Variants in TAAR6 observed in about 807,000 individuals in gnomAD.
TAAR6 encodes the protein trace amine-associated receptor 6.
In TAAR6, 15 loss-of-function variants were observed where a neutral mutation model predicts 18.4. The observed-to-expected ratio is 0.82, with a 90% CI of 0.55 to 1.26. The LOEUF (loss-of-function observed/expected upper bound fraction) is 1.26, where lower values mean the gene tolerates loss of function less well. Ranked by LOEUF, TAAR6 falls within the 50% of genes most tolerant of loss-of-function variation. TAAR6 has a pLI of 0.00. For missense variants in TAAR6, 501 were observed against 415.9 expected (o/e 1.20, Z -1.78); for synonymous variants, 192 against 162.4 (o/e 1.18, Z -1.39).
In TAAR6 at chr6:132,570,784, G is replaced by C; in HGVS notation, c.463G>C (p.Val155Leu). The C allele has an allele frequency of 6.2e-7, 1 of 1,614,104 alleles. No individual in the cohort carries two copies. The highest frequency in any genetic ancestry group is 8.5e-7 in the Non-Finnish European group (1 of 1,179,990). Residue 155 changes from valine (V) to leucine (L), a missense_variant, in exon 1 of 1, where the codon GTG (valine) becomes CTG (leucine). Physicochemically the swap from Val to Leu is conservative, Grantham distance 32. Coordinates refer to ENST00000275198, the MANE Select transcript of TAAR6 (RefSeq NM_175067.1). ...TVSVSGICISVSWILPLMYSG... is the reference protein window; with the variant it reads ...TVSVSGICISLSWILPLMYSG... ...ATCTGTGTCAGGAATTTGCATCAGC[G>C]TGTCCTGGATCCTGCCCCTCATGTA...
At position 132,570,869 on chromosome 6, in the gene TAAR6, C is replaced by T. The variant is rs756531819; in HGVS notation, c.548C>T (p.Ala183Val). Residue 183 changes from alanine (A) to valine (V), a missense_variant, in exon 1 of 1, where the codon GCC becomes GTC. Physicochemically the swap from Ala to Val is moderately conservative, Grantham distance 64. Coordinates refer to ENST00000275198, the MANE Select transcript of TAAR6 (RefSeq NM_175067.1). Reference sequence around the variant, plus strand: ...GATGGGCTGGAGGAATTATCTGATGCCCTAAACTGTATAGGAGGTTGTCAG... The same window carrying T: ...GATGGGCTGGAGGAATTATCTGATGTCCTAAACTGTATAGGAGGTTGTCAG... ...YDDGLEELSD[A>V]LNCIGGCQTV... The T allele has an allele frequency of 7.4e-6, 12 of 1,614,088 alleles. No individual in the cohort carries two copies. The highest frequency in any genetic ancestry group is 1.3e-5 in the African/African-American group (1 of 75,034).
rs374014146 is a variant in TAAR6, at chr6:132,570,675, T to C, written c.354T>C (p.Ser118=). 2.4e-5 allele frequency: 39 copies of C among 1,614,018 alleles called. No homozygotes were observed. Among genetic ancestry groups the C allele is most frequent in the Non-Finnish European group, 3.1e-5 (36 of 1,180,012 alleles). The stretch of plus-strand genomic sequence containing the variant: ...GCTGTGATGTGGCATTTTGTTACTC[T>C]TCTCTCTTTCACTTGTGCTTCATCT... ...HTCCDVAFCY[S]SLFHLCFISI... Residue 118 remains serine, a synonymous_variant, in exon 1 of 1, where the codon TCT becomes TCC. Transcript: ENST00000275198.
At position 132,570,920 on chromosome 6, in the gene TAAR6, T is replaced by C. The variant is rs1286423588; in HGVS notation, c.599T>C (p.Leu200Ser). The C allele has an allele frequency of 3.1e-6, 5 of 1,614,030 alleles. No individual in the cohort carries two copies. The highest frequency in any genetic ancestry group is 4.2e-6 in the Non-Finnish European group (5 of 1,180,002). ...ACCGTTGTAAATCAAAACTGGGTGT[T>C]GACAGATTTTCTATCCTTCTTTATA... ...CQTVVNQNWV[L>S]TDFLSFFIPT... Residue 200 changes from leucine (L) to serine (S), a missense_variant, in exon 1 of 1, where the codon TTG (leucine) becomes TCG (serine). Leu to Ser is a moderately radical substitution (Grantham distance 145). Transcript: ENST00000275198.
chr6:132,571,301 C>G lies in TAAR6; in HGVS notation c.980C>G (p.Thr327Ser). The G allele has an allele frequency of 6.2e-7, 1 of 1,613,888 alleles. No individual in the cohort carries two copies. Among genetic ancestry groups the G allele is most frequent in the Non-Finnish European group, 8.5e-7 (1 of 1,179,912 alleles). The change falls in exon 1 of 1, where the codon ACT becomes AGT. Residue 327 changes from threonine to serine, a missense_variant. Physicochemically the swap from Thr to Ser is moderately conservative, Grantham distance 58. Coordinates refer to ENST00000275198, the MANE Select transcript of TAAR6 (RefSeq NM_175067.1). Reference protein sequence around the residue: ...WFRKAIKVIVTGQVLKNSSAT... With the variant: ...WFRKAIKVIVSGQVLKNSSAT... ...AGGAAAGCAATAAAAGTTATTGTAA[C>G]TGGTCAGGTTTTAAAGAACAGTTCA...
Position 132,570,584 on chromosome 6 carries a change from T to G in TAAR6, c.263T>G (p.Phe88Cys), listed in dbSNP as rs1354774634. 5.6e-6 allele frequency: 9 copies of G among 1,614,058 alleles called. No individual in the cohort carries two copies. The highest frequency in any genetic ancestry group is 1.6e-4 in the Middle Eastern group (1 of 6,082). The change falls in exon 1 of 1, where the codon TTC becomes TGC. Residue 88 changes from phenylalanine to cysteine, a missense_variant. Transcript: ENST00000275198. ...DFLVGVTVMPFSMVRTVESCW... is the reference protein window; with the variant it reads ...DFLVGVTVMPCSMVRTVESCW... ...TTGGTGGGTGTGACTGTGATGCCCT[T>G]CAGCATGGTCAGGACGGTGGAGAGC... is the stretch of plus-strand genomic sequence containing the variant.
rs766063429 is a variant in TAAR6 at position 132,570,329 on chromosome 6, G to A, written c.8G>A (p.Ser3Asn). Residue 3 changes from serine to asparagine, a missense_variant, in exon 1 of 1, where the codon AGC becomes AAC. Ser to Asn is a conservative substitution (Grantham distance 46). Coordinates refer to ENST00000275198, the MANE Select transcript of TAAR6 (RefSeq NM_175067.1). MS[S>N]NSSLLVAVQL... ...TATGTAAATAACAGCGTTATGAGCA[G>A]CAATTCATCCCTGCTGGTGGCTGTG... 3.7e-6 allele frequency: 6 copies of A among 1,606,784 alleles called. No homozygotes were observed. Among genetic ancestry groups the A allele is most frequent in the South Asian group, 1.1e-5 (1 of 90,866 alleles).
rs34807567 is a variant in TAAR6, at chr6:132,570,337, T to TCCC, written c.17_19dup (p.Ser6_Leu7insPro). On this transcript the variant is annotated inframe_insertion, in exon 1 of 1. Transcript: ENST00000275198. The stretch of plus-strand genomic sequence containing the variant: ...TAACAGCGTTATGAGCAGCAATTCA[T>TCCC]CCCTGCTGGTGGCTGTGCAGCTGTG... The TCCC allele has an allele frequency of 6.2e-7, 1 of 1,608,878 alleles. No homozygotes were observed. The highest frequency in any genetic ancestry group is 8.5e-7 in the Non-Finnish European group (1 of 1,175,818).
In TAAR6 at chr6:132,570,330, C is replaced by T; in HGVS notation, c.9C>T (p.Ser3=). MS[S]NSSLLVAVQL... is the part of the protein sequence containing the mutation. ...ATGTAAATAACAGCGTTATGAGCAG[C>T]AATTCATCCCTGCTGGTGGCTGTGC... is the stretch of plus-strand genomic sequence containing the variant. Residue 3 remains serine (S), a synonymous_variant, in exon 1 of 1, where the codon AGC becomes AGT. Coordinates refer to ENST00000275198, the MANE Select transcript of TAAR6 (RefSeq NM_175067.1). The T allele has an allele frequency of 1.2e-6, 2 of 1,606,742 alleles. No homozygotes were observed. Among genetic ancestry groups the T allele is most frequent in the South Asian group, 2.2e-5 (2 of 90,844 alleles).
In TAAR6 at chr6:132,570,947, C is replaced by G; in HGVS notation, c.626C>G (p.Pro209Arg). The change falls in exon 1 of 1, where the codon CCT (proline) becomes CGT (arginine). Residue 209 changes from proline to arginine, a missense_variant. By Grantham distance (103) the Pro-to-Arg change is moderately radical (BLOSUM62 -2). Coordinates refer to ENST00000275198, the MANE Select transcript of TAAR6 (RefSeq NM_175067.1). ...ACAGATTTTCTATCCTTCTTTATAC[C>G]TACCTTTATTATGATAATTCTGTAT... is the stretch of plus-strand genomic sequence containing the variant. ...VLTDFLSFFI[P>R]TFIMIILYGN... 3 of 1,614,022 alleles carry G rather than the reference C, an allele frequency of 1.9e-6. No homozygotes were observed. The highest frequency in any genetic ancestry group is 2.5e-6 in the Non-Finnish European group (3 of 1,179,988).
chr6:132,570,552 T>A lies in TAAR6; in HGVS notation c.231T>A (p.Ala77=). Residue 77 remains alanine, a synonymous_variant, in exon 1 of 1, where the codon GCT becomes GCA. Coordinates refer to ENST00000275198, the MANE Select transcript of TAAR6 (RefSeq NM_175067.1). Reference sequence around the variant, plus strand: ...TTCTCGTTGCCTCTCTGGCCTGCGCTGATTTCTTGGTGGGTGTGACTGTGA... The same window carrying A: ...TTCTCGTTGCCTCTCTGGCCTGCGCAGATTTCTTGGTGGGTGTGACTGTGA... ...TNFLVASLAC[A]DFLVGVTVMP... is the part of the protein sequence containing the mutation. The A allele has an allele frequency of 3.7e-6, 6 of 1,614,130 alleles. No homozygotes were observed. The highest frequency in any genetic ancestry group is 5.1e-6 in the Non-Finnish European group (6 of 1,180,012).
At position 132,570,636 on chromosome 6, in the gene TAAR6, T is replaced by G. The variant is rs1776630464; in HGVS notation, c.315T>G (p.Cys105Trp). 3 of 1,614,044 alleles carry G rather than the reference T, an allele frequency of 1.9e-6. No individual in the cohort carries two copies. The highest frequency in any genetic ancestry group is 2.5e-6 in the Non-Finnish European group (3 of 1,180,024). The stretch of plus-strand genomic sequence containing the variant: ...GCTGGTATTTTGGGAGGAGTTTTTG[T>G]ACTTTCCACACCTGCTGTGATGTGG... ...ESCWYFGRSF[C>W]TFHTCCDVAF... Residue 105 changes from cysteine (C) to tryptophan (W), a missense_variant, in exon 1 of 1, where the codon TGT becomes TGG. Physicochemically the swap from Cys to Trp is radical, Grantham distance 215. Coordinates refer to ENST00000275198, the MANE Select transcript of TAAR6 (RefSeq NM_175067.1).
Position 132,571,154 on chromosome 6 carries a change from C to G in TAAR6, c.833C>G (p.Ser278Ter). Residue 278 changes from serine to a stop codon, truncating the protein, a stop_gained, in exon 1 of 1, where the codon TCA becomes TGA. Transcript: ENST00000275198. LOFTEE classifies it high-confidence loss of function. ...MISWLPYSIDSLIDAFMGFIT... is the reference protein window; with the variant it reads ...MISWLPYSID ...TCATGGTTACCATATAGCATTGATTCATTAATTGATGCCTTTATGGGCTTT... is the reference window on the plus strand; with the variant it reads ...TCATGGTTACCATATAGCATTGATTGATTAATTGATGCCTTTATGGGCTTT... The G allele has an allele frequency of 6.2e-7, 1 of 1,613,982 alleles. No homozygotes were observed. The highest frequency in any genetic ancestry group is 8.5e-7 in the Non-Finnish European group (1 of 1,179,966).
In TAAR6 at chr6:132,571,175, G is replaced by T. The variant is rs1328925910; in HGVS notation, c.854G>T (p.Gly285Val). 6.2e-7 allele frequency: 1 copy of T among 1,614,030 alleles called. No individual in the cohort carries two copies. The part of the protein sequence containing the change: ...SIDSLIDAFM[G>V]FITPACIYEI... ...GATTCATTAATTGATGCCTTTATGG[G>T]CTTTATAACCCCTGCCTGTATTTAT... is the stretch of plus-strand genomic sequence containing the variant. The change falls in exon 1 of 1, where the codon GGC (glycine) becomes GTC (valine). Residue 285 changes from glycine to valine, a missense_variant. Gly to Val is a moderately radical substitution (Grantham distance 109). Transcript: ENST00000275198.
rs775869232 is a variant in TAAR6, at chr6:132,571,354, A to G, written c.1033A>G (p.Ile345Val). 2 of 1,603,330 alleles carry G rather than the reference A, an allele frequency of 1.2e-6. No homozygotes were observed. Among genetic ancestry groups the G allele is most frequent in the East Asian group, 4.5e-5 (2 of 44,802 alleles). Residue 345 changes from isoleucine to valine, a missense_variant, in exon 1 of 1, where the codon ATA becomes GTA. Coordinates refer to ENST00000275198, the MANE Select transcript of TAAR6 (RefSeq NM_175067.1). ...AACCATGAATTTGTTTTCTGAACAT[A>G]TATAAGCAGTTGTATAGACGAAGTT... ...SATMNLFSEHI is the reference protein window; with the variant it reads ...SATMNLFSEHV
rs775095698 is a variant in TAAR6 at position 132,571,211 on chromosome 6, G to C, written c.890G>C (p.Cys297Ser). 1.2e-6 allele frequency: 2 copies of C among 1,614,028 alleles called. No homozygotes were observed. The highest frequency in any genetic ancestry group is 1.7e-6 in the Non-Finnish European group (2 of 1,179,958). ...ITPACIYEICCWCAYYNSAMN... is the reference protein window; with the variant it reads ...ITPACIYEICSWCAYYNSAMN... ...CCTGCCTGTATTTATGAGATTTGCTGTTGGTGTGCTTATTATAACTCAGCC... is the reference window on the plus strand; with the variant it reads ...CCTGCCTGTATTTATGAGATTTGCTCTTGGTGTGCTTATTATAACTCAGCC... The change falls in exon 1 of 1, where the codon TGT (cysteine) becomes TCT (serine). Residue 297 changes from cysteine to serine, a missense_variant. By Grantham distance (112) the Cys-to-Ser change is moderately radical. Transcript: ENST00000275198.
At position 132,570,619 on chromosome 6, in the gene TAAR6, T is replaced by C. The variant is rs1776630180; in HGVS notation, c.298T>C (p.Phe100Leu). Residue 100 changes from phenylalanine to leucine, a missense_variant, in exon 1 of 1, where the codon TTT becomes CTT. Coordinates refer to ENST00000275198, the MANE Select transcript of TAAR6 (RefSeq NM_175067.1). Reference sequence around the variant, plus strand: ...CAGGACGGTGGAGAGCTGCTGGTATTTTGGGAGGAGTTTTTGTACTTTCCA... The same window carrying C: ...CAGGACGGTGGAGAGCTGCTGGTATCTTGGGAGGAGTTTTTGTACTTTCCA... ...MVRTVESCWY[F>L]GRSFCTFHTC... 6.2e-7 allele frequency: 1 copy of C among 1,613,914 alleles called. No homozygotes were observed. Among genetic ancestry groups the C allele is most frequent in the South Asian group, 1.1e-5 (1 of 91,058 alleles).
At position 132,570,330 on chromosome 6, in the gene TAAR6, C is replaced by A. The variant is rs868080405; in HGVS notation, c.9C>A (p.Ser3Arg). Residue 3 changes from serine to arginine, a missense_variant, in exon 1 of 1, where the codon AGC (serine) becomes AGA (arginine). Transcript: ENST00000275198. ...ATGTAAATAACAGCGTTATGAGCAGCAATTCATCCCTGCTGGTGGCTGTGC... is the reference window on the plus strand; with the variant it reads ...ATGTAAATAACAGCGTTATGAGCAGAAATTCATCCCTGCTGGTGGCTGTGC... MS[S>R]NSSLLVAVQL... The A allele has an allele frequency of 1.9e-6, 3 of 1,606,740 alleles. No homozygotes were observed. In the Middle Eastern group the frequency reaches 5.0e-4, roughly 267 times the overall value.
rs1776640202 is a variant in TAAR6 at position 132,571,142 on chromosome 6, A to G, written c.821A>G (p.Tyr274Cys). Residue 274 changes from tyrosine (Y) to cysteine (C), a missense_variant, in exon 1 of 1, where the codon TAT (tyrosine) becomes TGT (cysteine). Transcript: ENST00000275198. ...VVAFMISWLPYSIDSLIDAFM... is the reference protein window; with the variant it reads ...VVAFMISWLPCSIDSLIDAFM... ...GCATTTATGATTTCATGGTTACCATATAGCATTGATTCATTAATTGATGCC... is the reference window on the plus strand; with the variant it reads ...GCATTTATGATTTCATGGTTACCATGTAGCATTGATTCATTAATTGATGCC... 6.2e-7 allele frequency: 1 copy of G among 1,614,010 alleles called. No individual in the cohort carries two copies. The highest frequency in any genetic ancestry group is 1.7e-5 in the Admixed American group (1 of 60,000).
rs139640806 is a variant in TAAR6 at position 132,571,243 on chromosome 6, C to G, written c.922C>G (p.Pro308Ala). The change falls in exon 1 of 1, where the codon CCT becomes GCT. Residue 308 changes from proline to alanine, a missense_variant. Physicochemically the swap from Pro to Ala is conservative, Grantham distance 27. Coordinates refer to ENST00000275198, the MANE Select transcript of TAAR6 (RefSeq NM_175067.1). Reference protein sequence around the residue: ...WCAYYNSAMNPLIYALFYPWF... With the variant: ...WCAYYNSAMNALIYALFYPWF... ...TGCTTATTATAACTCAGCCATGAATCCTTTGATTTATGCTTTATTTTACCC... is the reference window on the plus strand; with the variant it reads ...TGCTTATTATAACTCAGCCATGAATGCTTTGATTTATGCTTTATTTTACCC... 3.1e-6 allele frequency: 5 copies of G among 1,613,814 alleles called. No individual in the cohort carries two copies. In the African/African-American group the frequency reaches 6.7e-5, roughly 22 times the overall value.
Sources: gnomAD v4.1 joint callset for allele counts on GRCh38, gnomAD v4.1.1 for gene constraint, MANE v1.5 for transcripts, NCBI Gene and HGNC (gene_info 2026-07-23, HGNC 2026-07-21) for gene names.